The following DACH1 variants were observed in gnomAD, a reference collection of about 807,000 sequenced individuals.
DACH1 encodes dachshund family transcription factor 1.
In DACH1, 12 loss-of-function variants were observed where a neutral mutation model predicts 54.2. The observed-to-expected ratio is 0.22, with a 90% CI of 0.14 to 0.36. DACH1 has a LOEUF of 0.36. DACH1 is among the 10% of genes least tolerant of loss of function. DACH1 has a pLI of 1.00. For synonymous variants in DACH1, 386 were observed against 366.2 expected, an observed-to-expected ratio of 1.05 and a Z score of -0.62; for missense variants, 805 against 929.8, an observed-to-expected ratio of 0.87 and a Z score of 1.75.
At chr13:71,685,171 T>A (rs1881099534) in intron 1 of DACH1, among the ~76,000 whole-genome samples, 1 of 152,216 alleles carries the variant, frequency 6.6e-6, no homozygotes, top group African/African-American at 2.4e-5. Context: ...GTAGGAACAC[T>A]TTAATTCACG....
chr13:71,631,923 A>C (rs1877132810), intron 2 of DACH1, among the ~76,000 whole-genome samples: 1 of 151,796 alleles, frequency 6.6e-6, no homozygotes, highest in Admixed American at 6.6e-5. Context: ...ACAGGATAAA[A>C]CCCCCTCTCT....
intron 3 of DACH1, among the ~76,000 whole-genome samples, chr13:71,624,307 A>C (rs1008658459): frequency 6.6e-5 from 10 of 151,932 alleles, no homozygotes; most frequent in African/African-American, 2.4e-4. Flanking sequence ...TCTTCCATTA[A>C]AATATCCACT....
intron 6 of DACH1, among the ~76,000 whole-genome samples, chr13:71,535,906 T>A (rs1378864928): frequency 6.6e-6 from 1 of 152,042 alleles, no homozygotes; most frequent in Non-Finnish European, 1.5e-5. Context: ...CATAGAGTAG[T>A]TTATTTGGAT....
intron 1 of DACH1, among the ~76,000 whole-genome samples, chr13:71,731,349 TGGCACCATCTC>T (rs1246243738): frequency 1.3e-5 from 2 of 150,006 alleles, no homozygotes; most frequent in Non-Finnish European, 3.0e-5. Context: ...TGGAGTGCAG[TGGCACCATCTC>T]GGCTCACTGC....
Position 71,849,647 on chromosome 13 carries a change from A to G in DACH1, c.848+16275T>C, listed in dbSNP as rs115747309. ...TGGCCTGACTCCTTATTTCCCCCCC[A>G]TCTATGGATCTACCAAATAGTAATA... On this transcript the variant is annotated intron_variant, in intron 1 of 10. Transcript: ENST00000613252. Among the ~76,000 whole-genome samples, 1,289 of 152,214 alleles carry G rather than the reference A, an allele frequency of 8.5e-3. 23 individuals carry two copies. The highest frequency in any genetic ancestry group is 0.029 in the African/African-American group (1,218 of 41,522).
chr13:71,508,760 A>C (rs144911753), intron 6 of DACH1, among the ~76,000 whole-genome samples: 1 of 152,036 alleles, frequency 6.6e-6, no homozygotes, highest in Non-Finnish European at 1.5e-5. Context: ...GAGCCACTGC[A>C]CCTGGCCAAA....
At chr13:71,709,508 A>C (rs925479603) in intron 1 of DACH1, among the ~76,000 whole-genome samples, 1 of 151,500 alleles carries the variant, frequency 6.6e-6, no homozygotes, top group Admixed American at 6.6e-5. Flanking sequence ...CTCTTTAGTC[A>C]CTTAGTAACT....
intron 1 of DACH1, among the ~76,000 whole-genome samples, chr13:71,706,518 G>T (rs906659834): frequency 6.6e-6 from 1 of 152,220 alleles, no homozygotes; most frequent in Middle Eastern, 3.4e-3. Context: ...GCAAAAACAT[G>T]TGATGTGATT....
At chr13:71,667,303 C>A (rs911696948) in intron 2 of DACH1, among the ~76,000 whole-genome samples, 5 of 152,220 alleles carry the variant, frequency 3.3e-5, no homozygotes, top group East Asian at 1.9e-4. Flanking sequence ...GCAATAGATT[C>A]TCTGGAATTC....
chr13:71,480,838 G>A (rs560477836), intron 7 of DACH1, among the ~76,000 whole-genome samples: 161 of 152,188 alleles, frequency 1.1e-3, no homozygotes, highest in African/African-American at 3.7e-3. Flanking sequence ...ATTCTCTTTT[G>A]ACCACATACA....
chr13:71,549,632 T>C (rs1338929222), intron 6 of DACH1, among the ~76,000 whole-genome samples: 1 of 152,164 alleles, frequency 6.6e-6, no homozygotes, highest in African/African-American at 2.4e-5. Flanking sequence ...ACTGAGGTTG[T>C]CAACACCAAT....
At chr13:71,609,240 T>C (rs1875120286) in intron 3 of DACH1, among the ~76,000 whole-genome samples, 1 of 152,114 alleles carries the variant, frequency 6.6e-6, no homozygotes, top group African/African-American at 2.4e-5. Context: ...ATCCACATCA[T>C]CCATATCTCT....
intron 1 of DACH1, among the ~76,000 whole-genome samples, chr13:71,863,975 C>T (rs1442521775): frequency 6.6e-6 from 1 of 151,702 alleles, no homozygotes; most frequent in African/African-American, 2.4e-5. Flanking sequence ...CAAATTTCAC[C>T]TAGCTTTCTT....
chr13:71,495,229 T>C (rs1354035507), intron 6 of DACH1, among the ~76,000 whole-genome samples: 1 of 152,062 alleles, frequency 6.6e-6, no homozygotes, highest in African/African-American at 2.4e-5. Context: ...ATGGAAAATA[T>C]CTCCATGTTT....
intron 1 of DACH1, among the ~76,000 whole-genome samples, chr13:71,863,751 C>T (rs1261668636): frequency 6.6e-6 from 1 of 150,984 alleles, no homozygotes; most frequent in Non-Finnish European, 1.5e-5. Context: ...ATAATGCAGT[C>T]ATTGAAGAAA....
rs142710237 is a variant in DACH1 at position 71,675,137 on chromosome 13, C to T, written c.964+6658G>A. 9.9e-3 allele frequency: 15,642 copies of T among 1,579,898 alleles called. 118 individuals are homozygous for T. The highest frequency in any genetic ancestry group is 0.023 in the Middle Eastern group (132 of 5,860). ...CCCAGGAAGTAACTGGCTACAAAAG[C>T]CGCTCGCAAGAGTGCGCCCTCTACT... On this transcript the variant is annotated intron_variant, in intron 2 of 10. Coordinates refer to ENST00000613252, the MANE Select transcript of DACH1 (RefSeq NM_080759.6).
chr13:71,475,896 A>G, intron 8 of DACH1, 47 bp from the exon 9 acceptor site: 1 of 1,325,044 alleles, frequency 7.5e-7, no homozygotes, highest in Non-Finnish European at 1.0e-6. Flanking sequence ...TTAAATTTTC[A>G]TAATGCTGCT....
rs184619742 is a variant in DACH1, at chr13:71,641,017, T to C, written c.965-10300A>G. ...CTTTTTCCAGATTCCAAGTACCACA[T>C]GGGGTCTGTGCATGTGTAGTTTATT... is the stretch of plus-strand genomic sequence containing the variant. On this transcript the variant is annotated intron_variant, in intron 2 of 10. Coordinates refer to ENST00000613252, the MANE Select transcript of DACH1 (RefSeq NM_080759.6). 1.5e-4 allele frequency among the ~76,000 whole-genome samples: 23 copies of C among 151,902 alleles called. 1 individual carries two copies. The highest frequency in any genetic ancestry group is 5.3e-4 in the African/African-American group (22 of 41,482).
intron 1 of DACH1, among the ~76,000 whole-genome samples, chr13:71,860,712 G>A (rs952362711): frequency 1.3e-4 from 19 of 151,854 alleles, no homozygotes; most frequent in Non-Finnish European, 2.5e-4. Context: ...TGTTTTCTAT[G>A]TTGCTCATAC....
Sources: gnomAD v4.1 joint callset for allele counts (sites outside exome capture counted in the v4.1 genomes callset) on GRCh38, gnomAD v4.1.1 for gene constraint, MANE v1.5 for transcripts, NCBI Gene and HGNC (gene_info 2026-07-23, HGNC 2026-07-21) for gene names.